DUOXA1: variants seen among roughly 807,000 people sequenced by gnomAD.
The protein encoded by DUOXA1 is dual oxidase maturation factor 1.
In DUOXA1, 19 loss-of-function variants were observed where a neutral mutation model predicts 26.6. The observed-to-expected ratio is 0.71, with a 90% CI of 0.50 to 1.05. The LOEUF is 1.05. Among genes scored for constraint, DUOXA1 ranks in the 50% least tolerant of loss-of-function variants. DUOXA1 has a pLI of 0.00. For missense variants in DUOXA1, 403 were observed against 427.5 expected (o/e 0.94, Z 0.51); for synonymous variants, 166 against 177.0 (o/e 0.94, Z 0.49).
Position 45,122,849 on chromosome 15 carries a change from C to T in DUOXA1, c.147+19G>A, listed in dbSNP as rs376459340. On this transcript the variant is annotated intron_variant, in intron 4 of 8. Transcript: ENST00000560572. Reference sequence around the variant, plus strand: ...CTGAGGTCTCTCTGGGCTGGGGTCTCCAGGACTGGGTTTCTCACCGTCTTT... The same window carrying T: ...CTGAGGTCTCTCTGGGCTGGGGTCTTCAGGACTGGGTTTCTCACCGTCTTT... 3.6e-5 allele frequency: 58 copies of T among 1,599,790 alleles called. No individual in the cohort carries two copies. Among genetic ancestry groups the T allele is most frequent in the Middle Eastern group, 2.2e-4 (1 of 4,532 alleles).
Position 45,118,881 on chromosome 15 carries a change from A to T in DUOXA1, c.*225T>A. 2 of 1,250,540 alleles carry T rather than the reference A, an allele frequency of 1.6e-6. No individual in the cohort carries two copies. Among genetic ancestry groups the T allele is most frequent in the Non-Finnish European group, 2.0e-6 (2 of 996,938 alleles). 77.5% of individuals were successfully genotyped at this position (1,250,540 alleles called of 1,614,324 possible). On this transcript the variant is annotated 3_prime_UTR_variant, in exon 9 of 9. Coordinates refer to ENST00000560572, the MANE Select transcript of DUOXA1 (RefSeq NM_001276266.2). ...GCCCCTGCTTGGCCTTATCATGGCA[A>T]CAGGCTTTATGGACAGGCCCAGCAT... is the stretch of plus-strand genomic sequence containing the variant.
rs770191196 is a variant in DUOXA1, at chr15:45,122,904, C to G, written c.111G>C (p.Thr37=). ...IIMIFLTALA[T]FIVILPGIRG... ...GAATGCCAGGCAGGATGACGATGAA[C>G]GTGGCCAGTGCAGTCAGAAAGATCA... Residue 37 remains threonine, a synonymous_variant, in exon 4 of 9, where the codon ACG becomes ACC. Coordinates refer to ENST00000560572, the MANE Select transcript of DUOXA1 (RefSeq NM_001276266.2). 6 of 1,612,198 alleles carry G rather than the reference C, an allele frequency of 3.7e-6. No individual in the cohort carries two copies. The highest frequency in any genetic ancestry group is 4.2e-6 in the Non-Finnish European group (5 of 1,179,412).
intron 3 of DUOXA1, among the ~76,000 whole-genome samples, chr15:45,124,515 T>G (rs965602107): frequency 6.6e-6 from 1 of 152,164 alleles, no homozygotes; most frequent in African/African-American, 2.4e-5. Flanking sequence ...TTATTTTGTT[T>G]GTTTGTTTGT....
intron 8 of DUOXA1, 64 bp downstream of exon 8, chr15:45,120,039 G>A (rs528246024): frequency 1.4e-5 from 22 of 1,579,078 alleles, no homozygotes; most frequent in Non-Finnish European, 1.8e-5. Flanking sequence ...CCGACATGAT[G>A]CCCCCAGGCC....
intron 3 of DUOXA1, among the ~76,000 whole-genome samples, chr15:45,128,383 C>T (rs1895857464): frequency 6.6e-6 from 1 of 152,204 alleles, no homozygotes; most frequent in African/African-American, 2.4e-5. Context: ...ACTAATTCTC[C>T]ACAAGTGGGG....
At position 45,120,095 on chromosome 15, in the gene DUOXA1, G is replaced by A. The variant is rs751723195; in HGVS notation, c.772+8C>T. The A allele has an allele frequency of 1.1e-5, 18 of 1,613,560 alleles. No individual in the cohort carries two copies. The Admixed American group carries it at 1.5e-4, about 13-fold the overall frequency. Reference sequence around the variant, plus strand: ...CTTCTAGTGCTTGTCTTTAGGGCTGGGTCTTACCTGTGGTCAATGTGATCC... The same window carrying A: ...CTTCTAGTGCTTGTCTTTAGGGCTGAGTCTTACCTGTGGTCAATGTGATCC... On this transcript the variant is annotated splice_region_variant and intron_variant, in intron 8 of 8. Transcript: ENST00000560572.
chr15:45,122,361 A>C, intron 4 of DUOXA1, 119 bp from the exon 5 acceptor site: 1 of 938,222 alleles, frequency 1.1e-6, no homozygotes, highest in Non-Finnish European at 1.7e-6. Flanking sequence ...GGTCAATTGA[A>C]ATCAGAGTGT....
chr15:45,121,264 G>T (rs886384078), intron 5 of DUOXA1, 43 bp from the exon 6 acceptor site: 5 of 1,613,534 alleles, frequency 3.1e-6, no homozygotes, highest in Non-Finnish European at 3.4e-6. Flanking sequence ...AGAGATGACT[G>T]GGCATTACTA....
At chr15:45,127,939 A>G (rs1895804285) in intron 3 of DUOXA1, among the ~76,000 whole-genome samples, 1 of 152,210 alleles carries the variant, frequency 6.6e-6, no homozygotes, top group Non-Finnish European at 1.5e-5. Flanking sequence ...CCAGACTGTC[A>G]TTCTCAGTAA....
intron 8 of DUOXA1, among the ~76,000 whole-genome samples, 170 bp downstream of exon 8, chr15:45,119,933 C>T (rs1895009215): frequency 6.6e-6 from 1 of 151,572 alleles, no homozygotes; most frequent in South Asian, 2.1e-4. Context: ...GGAAGTGGCA[C>T]TGGGGAGAGA....
In DUOXA1 at chr15:45,120,097, T is replaced by C; in HGVS notation, c.772+6A>G. 1 of 1,613,642 alleles carries C rather than the reference T, an allele frequency of 6.2e-7. No homozygotes were observed. The highest frequency in any genetic ancestry group is 8.5e-7 in the Non-Finnish European group (1 of 1,179,930). On this transcript the variant is annotated splice_donor_region_variant and intron_variant, in intron 8 of 8. Transcript: ENST00000560572. ...TCTAGTGCTTGTCTTTAGGGCTGGG[T>C]CTTACCTGTGGTCAATGTGATCCAG...
intron 3 of DUOXA1, among the ~76,000 whole-genome samples, chr15:45,127,144 C>T (rs1036422880): frequency 3.9e-5 from 6 of 152,018 alleles, no homozygotes; most frequent in Admixed American, 6.5e-5. Context: ...GGAGGAAGGT[C>T]TATAAAATGT....
Position 45,118,347 on chromosome 15 carries a change from T to TC in DUOXA1, c.*758dup. The TC allele has an allele frequency of 1.1e-5, 13 of 1,167,008 alleles. No homozygotes were observed. Among genetic ancestry groups the TC allele is most frequent in the Non-Finnish European group, 1.4e-5 (13 of 944,340 alleles). 72.3% of individuals were successfully genotyped at this position (1,167,008 alleles called of 1,614,324 possible). On this transcript the variant is annotated 3_prime_UTR_variant, in exon 9 of 9. Transcript: ENST00000560572. ...GGCAGTGATGAGGCAGGTCACCCACTCCCCCGTCCTGGATGCCACTCAGCT... is the reference window on the plus strand; with the variant it reads ...GGCAGTGATGAGGCAGGTCACCCACTCCCCCCGTCCTGGATGCCACTCAGCT...
In DUOXA1 at chr15:45,129,740, G is replaced by C. The variant is rs1377990775; in HGVS notation, c.-303+112C>G. The stretch of plus-strand genomic sequence containing the variant: ...CTCCCACCCTCTCCCCAGCCCCATG[G>C]GACTTGTGAAGGCGGACTTGCTTTT... On this transcript the variant is annotated intron_variant, in intron 1 of 8. Coordinates refer to ENST00000560572, the MANE Select transcript of DUOXA1 (RefSeq NM_001276266.2). This position sits in a 1 kb window ranked among gnomAD's most constrained non-coding sequence, Gnocchi z 4.1. 2 of 152,452 alleles carry C rather than the reference G, an allele frequency of 1.3e-5. No individual in the cohort carries two copies. The highest frequency in any genetic ancestry group is 2.4e-5 in the African/African-American group (1 of 41,426). The allele number at this position is 152,452 out of a possible 1,614,324, so 9.4% of individuals were successfully genotyped here. A position where few individuals can be genotyped will look rare whatever the true frequency, so the allele number is the denominator to read the frequency against.
intron 3 of DUOXA1, among the ~76,000 whole-genome samples, chr15:45,126,405 G>T (rs996420194): frequency 4.6e-5 from 7 of 152,160 alleles, no homozygotes; most frequent in Non-Finnish European, 7.4e-5. Flanking sequence ...CCTCTGCCTG[G>T]AATGCACTCA....
At chr15:45,124,442 T>C (rs1895507262) in intron 3 of DUOXA1, among the ~76,000 whole-genome samples, 1 of 152,182 alleles carries the variant, frequency 6.6e-6, no homozygotes, top group Non-Finnish European at 1.5e-5. Flanking sequence ...CAATCTCTTT[T>C]TTTATTTTAA....
Position 45,118,623 on chromosome 15 carries a change from G to A in DUOXA1, c.*483C>T. ...GAAGTTTGGTTTCCCCTCCTTTCCAGTGCTGTCTTTCATTGTACCAAAAGG... is the reference window on the plus strand; with the variant it reads ...GAAGTTTGGTTTCCCCTCCTTTCCAATGCTGTCTTTCATTGTACCAAAAGG... On this transcript the variant is annotated 3_prime_UTR_variant, in exon 9 of 9. Transcript: ENST00000560572. The A allele has an allele frequency of 4.0e-6, 4 of 990,874 alleles. No individual in the cohort carries two copies. The highest frequency in any genetic ancestry group is 4.8e-6 in the Non-Finnish European group (4 of 834,050). The allele number at this position is 990,874 out of a possible 1,614,324, so 61.4% of individuals were successfully genotyped here.
intron 3 of DUOXA1, among the ~76,000 whole-genome samples, chr15:45,127,459 G>T (rs1270326554): frequency 1.3e-5 from 2 of 152,136 alleles, no homozygotes; most frequent in Admixed American, 6.5e-5. Flanking sequence ...ATTTATTAAA[G>T]ATGACAGAAG....
chr15:45,121,183 T>A lies in DUOXA1; in HGVS notation c.244A>T (p.Ser82Cys). The change falls in exon 6 of 9, where the codon AGC (serine) becomes TGC (cysteine). Residue 82 changes from serine (S) to cysteine (C), a missense_variant. Coordinates refer to ENST00000560572, the MANE Select transcript of DUOXA1 (RefSeq NM_001276266.2). ...AAGGCCTTGTATGATGTGTTGGTGC[T>A]GACCTGGCCCACAGACCACTCAGAA... is the stretch of plus-strand genomic sequence containing the variant. ...FSSEWSVGQV[S>C]TNTSYKAFSS... 6.2e-7 allele frequency: 1 copy of A among 1,614,222 alleles called. No homozygotes were observed. The highest frequency in any genetic ancestry group is 8.5e-7 in the Non-Finnish European group (1 of 1,180,038).
Sources: gnomAD v4.1 joint callset for allele counts (sites outside exome capture counted in the v4.1 genomes callset) on GRCh38, gnomAD v4.1.1 for gene constraint, Gnocchi (gnomAD v3.1) non-coding constraint, MANE v1.5 for transcripts, NCBI Gene and HGNC (gene_info 2026-07-23, HGNC 2026-07-21) for gene names.